NDUFS4: variants seen among roughly 807,000 people sequenced by gnomAD.
The protein encoded by NDUFS4 is NADH:ubiquinone oxidoreductase subunit S4, also known as NADH dehydrogenase [ubiquinone] iron-sulfur protein 4, mitochondrial.
A neutral mutation model predicts 24.3 loss-of-function variants in NDUFS4; 28 were observed. The observed-to-expected ratio is 1.15, with a 90% CI of 0.85 to 1.58. The LOEUF (loss-of-function observed/expected upper bound fraction) is 1.58. NDUFS4 is among the 40% of genes most tolerant of loss of function. NDUFS4 has a pLI of 0.00. For synonymous variants in NDUFS4, 93 were observed against 69.7 expected (o/e 1.34, Z -1.67); for missense variants, 223 against 207.9 (o/e 1.07, Z -0.45).
intron 1 of NDUFS4, among the ~76,000 whole-genome samples, chr5:53,572,874 G>A (rs184013098): frequency 7.3e-5 from 11 of 151,496 alleles, no homozygotes; most frequent in African/African-American, 2.4e-4. Context: ...TCGAACTCCC[G>A]ACCTCGTGAT....
chr5:53,587,794 G>T (rs1561345336), intron 1 of NDUFS4, among the ~76,000 whole-genome samples: 1 of 152,060 alleles, frequency 6.6e-6, no homozygotes, highest in East Asian at 1.9e-4. Context: ...GCCCAGGCTG[G>T]TCTTGAACTC....
chr5:53,673,928 A>ATACAGCC (rs1239880603), intron 4 of NDUFS4, among the ~76,000 whole-genome samples: 1 of 152,210 alleles, frequency 6.6e-6, no homozygotes, highest in Non-Finnish European at 1.5e-5. Context: ...CAACTCAGAG[A>ATACAGCC]TACAGCCTCT....
intron 3 of NDUFS4, among the ~76,000 whole-genome samples, chr5:53,656,437 G>T (rs1752163234): frequency 6.6e-6 from 1 of 152,112 alleles, no homozygotes; most frequent in Admixed American, 6.6e-5. Flanking sequence ...AGGAGGGTAG[G>T]ATATGAAAGA....
chr5:53,663,987 T>C (rs1159362045), intron 4 of NDUFS4, among the ~76,000 whole-genome samples: 2 of 152,216 alleles, frequency 1.3e-5, no homozygotes, highest in Non-Finnish European at 2.9e-5. Context: ...TTCCTTTCCA[T>C]GTGTAGTGCT....
chr5:53,665,745 A>C (rs1752494500), intron 4 of NDUFS4, among the ~76,000 whole-genome samples: 1 of 152,186 alleles, frequency 6.6e-6, no homozygotes, highest in Non-Finnish European at 1.5e-5. Flanking sequence ...TTGACTAGGA[A>C]AGGGAATTCC....
At chr5:53,612,343 T>C (rs1236022651) in intron 2 of NDUFS4, among the ~76,000 whole-genome samples, 1 of 152,032 alleles carries the variant, frequency 6.6e-6, no homozygotes, top group Non-Finnish European at 1.5e-5. Context: ...AAAGGTAGTA[T>C]AGTTAGTTAG....
At chr5:53,671,564 C>T (rs1001364384) in intron 4 of NDUFS4, among the ~76,000 whole-genome samples, 5 of 152,168 alleles carry the variant, frequency 3.3e-5, no homozygotes, top group African/African-American at 4.8e-5. Flanking sequence ...TGTAAAGAGA[C>T]GAATATCATC....
chr5:53,569,761 C>A (rs1050100682), intron 1 of NDUFS4, among the ~76,000 whole-genome samples: 42 of 152,174 alleles, frequency 2.8e-4, no homozygotes, highest in African/African-American at 8.7e-4. Context: ...AGTCTGTGCT[C>A]CAGGCTTAGC....
chr5:53,616,171 C>T (rs2112472224), intron 2 of NDUFS4, among the ~76,000 whole-genome samples: 1 of 151,588 alleles, frequency 6.6e-6, no homozygotes, highest in South Asian at 2.1e-4. Flanking sequence ...TTACTTGTCT[C>T]TTATTTATAA....
Position 53,624,009 on chromosome 5 carries a change from G to A in NDUFS4, c.177+20479G>A, listed in dbSNP as rs574706440. Among the ~76,000 whole-genome samples the A allele has an allele frequency of 7.2e-5, 11 of 152,246 alleles. No homozygotes were observed. In the South Asian group the frequency reaches 2.3e-3, roughly 32 times the overall value. On this transcript the variant is annotated intron_variant, in intron 2 of 4. Transcript: ENST00000296684. The stretch of plus-strand genomic sequence containing the variant: ...TGGGATTACAGGCATGAGCCACCAC[G>A]CCCGGCCCTTTGATCCATTTTTAGT...
chr5:53,637,637 T>A (rs1170054746), intron 2 of NDUFS4, among the ~76,000 whole-genome samples: 2 of 152,102 alleles, frequency 1.3e-5, no homozygotes, highest in Non-Finnish European at 2.9e-5. Context: ...AAAAAGAATT[T>A]CCTTAAATCT....
intron 2 of NDUFS4, among the ~76,000 whole-genome samples, chr5:53,611,256 CT>C (rs376260175): frequency 2.1e-5 from 3 of 145,446 alleles, no homozygotes; most frequent in Admixed American, 6.9e-5. Context: ...TGTATCTTAT[CT>C]TTTTTTTAGG....
At chr5:53,623,700 C>G (rs1751127986) in intron 2 of NDUFS4, among the ~76,000 whole-genome samples, 2 of 151,116 alleles carry the variant, frequency 1.3e-5, no homozygotes, top group South Asian at 4.2e-4. Flanking sequence ...CCATTGAGGT[C>G]TTTGATCTGT....
chr5:53,633,113 T>G (rs1331041034), intron 2 of NDUFS4, among the ~76,000 whole-genome samples: 1 of 152,194 alleles, frequency 6.6e-6, no homozygotes, highest in Non-Finnish European at 1.5e-5. Flanking sequence ...CAGTTATACT[T>G]GACATTGTAA....
intron 3 of NDUFS4, among the ~76,000 whole-genome samples, chr5:53,647,445 G>A (rs78750425): frequency 0.021 from 3,193 of 152,048 alleles, 122 homozygotes; most frequent in African/African-American, 0.072. Flanking sequence ...CTCGAACTCC[G>A]GGCTTCAAGC....
chr5:53,662,253 A>G (rs1752365481), intron 4 of NDUFS4, among the ~76,000 whole-genome samples: 1 of 152,194 alleles, frequency 6.6e-6, no homozygotes, highest in Non-Finnish European at 1.5e-5. Flanking sequence ...TATTCAGATA[A>G]TCATGTGGTT....
intron 1 of NDUFS4, among the ~76,000 whole-genome samples, chr5:53,586,047 G>A (rs1749742285): frequency 6.6e-6 from 1 of 151,076 alleles, no homozygotes; most frequent in African/African-American, 2.4e-5. Flanking sequence ...AAATAATATC[G>A]GCCAGGTGCA....
intron 3 of NDUFS4, 102 bp downstream of exon 3, chr5:53,646,507 T>G: frequency 1.1e-5 from 14 of 1,241,510 alleles, no homozygotes; most frequent in Non-Finnish European, 1.6e-5. Context: ...AATATGCTTA[T>G]GACAGTACTT....
At chr5:53,626,317 T>C (rs1269473959) in intron 2 of NDUFS4, among the ~76,000 whole-genome samples, 1 of 152,210 alleles carries the variant, frequency 6.6e-6, no homozygotes, top group East Asian at 1.9e-4. Context: ...TCCAAGTCTT[T>C]GCTGTCGTGA....
Sources: allele counts gnomAD v4.1 joint callset (sites outside exome capture counted in the v4.1 genomes callset), GRCh38; gene constraint gnomAD v4.1.1; transcripts MANE v1.5; gene names NCBI Gene and HGNC (gene_info 2026-07-23, HGNC 2026-07-21).